Variants in NVL observed in about 807,000 individuals in gnomAD.
NVL encodes nuclear valosin-containing protein-like.
Under a neutral mutation model 110.2 loss-of-function variants are expected in NVL, and 84 were observed. The observed-to-expected ratio is 0.76, with a 90% CI of 0.64 to 0.91. The LOEUF (loss-of-function observed/expected upper bound fraction) is 0.91, where lower values mean the gene tolerates loss of function less well. NVL is among the 40% of genes least tolerant of loss of function. The pLI, the probability that NVL is intolerant of heterozygous loss-of-function variation, is 0.00. For synonymous variants in NVL, 354 were observed against 361.1 expected (o/e 0.98, Z 0.22); for missense variants, 882 against 1,035.9 (o/e 0.85, Z 2.04).
chr1:224,241,346 T>C (rs1422568950), intron 19 of NVL, among the ~76,000 whole-genome samples: 1 of 152,170 alleles, frequency 6.6e-6, no homozygotes, highest in Non-Finnish European at 1.5e-5. Context: ...AAACAAAATA[T>C]GAGGATTTTG....
At chr1:224,259,491 C>T (rs185912922) in intron 18 of NVL, among the ~76,000 whole-genome samples, 52 of 152,174 alleles carry the variant, frequency 3.4e-4, no homozygotes, top group Admixed American at 1.0e-3. Flanking sequence ...GTAAATTTTA[C>T]GATATGCCAC....
intron 13 of NVL, chr1:224,289,232 CCA>C (rs1172947112): frequency 4.8e-6 from 2 of 418,392 alleles, no homozygotes; most frequent in Admixed American, 8.3e-5. Context: ...GGTGGGTAGG[CCA>C]CAGTCTGCCA....
rs34156240 is a variant in NVL at position 224,281,284 on chromosome 1, CGTGTGTGT to C, written c.1900-107_1900-100del. On this transcript the variant is annotated intron_variant, in intron 15 of 22. Coordinates refer to ENST00000281701, the MANE Select transcript of NVL (RefSeq NM_002533.4). ...TGTGACAATGAAAGGACTCTGTGTG[CGTGTGTGT>C]GTGTGTGTGTGTGTGTGTGTGAGAT... 2,430 of 553,188 alleles carry C rather than the reference CGTGTGTGT, an allele frequency of 4.4e-3. 14 individuals are homozygous for C. Among genetic ancestry groups the C allele is most frequent in the South Asian group, 0.025 (1,174 of 47,544 alleles). 34.3% of individuals were successfully genotyped at this position (553,188 alleles called of 1,614,324 possible).
In NVL at chr1:224,256,423, T is replaced by TAAAAA. The variant is rs34959473; in HGVS notation, c.2183-6110_2183-6106dup. On this transcript the variant is annotated intron_variant, in intron 18 of 22. Transcript: ENST00000281701. ...CTGGGCAACAGGGTGAGGCTCCATC[T>TAAAAA]AAAAAAAAAAAAAAAAAAAAAAAAC... Among the ~76,000 whole-genome samples, 498 of 75,622 alleles carry TAAAAA rather than the reference T, an allele frequency of 6.6e-3. 12 individuals are homozygous for TAAAAA. Among genetic ancestry groups the TAAAAA allele is most frequent in the African/African-American group, 0.022 (448 of 20,384 alleles). The allele number at this position is 75,622 out of a possible 152,430, so 49.6% of individuals were successfully genotyped here.
In NVL at chr1:224,330,069, A is replaced by C. The variant is rs1671533700; in HGVS notation, c.57+2T>G. On this transcript the variant is annotated splice_donor_variant, in intron 1 of 22. Coordinates refer to ENST00000281701, the MANE Select transcript of NVL (RefSeq NM_002533.4). LOFTEE classifies it high-confidence loss of function. Reference sequence around the variant, plus strand: ...CGAGGCCAAGCGGTGCAGAATACACACCTGGATGACTCGCTGCTTGAGTTT... The same window carrying C: ...CGAGGCCAAGCGGTGCAGAATACACCCCTGGATGACTCGCTGCTTGAGTTT... 6.2e-7 allele frequency: 1 copy of C among 1,614,004 alleles called. No homozygotes were observed. Among genetic ancestry groups the C allele is most frequent in the Non-Finnish European group, 8.5e-7 (1 of 1,179,960 alleles).
intron 18 of NVL, among the ~76,000 whole-genome samples, chr1:224,266,115 A>T (rs1664476646): frequency 6.6e-6 from 1 of 152,198 alleles, no homozygotes; most frequent in South Asian, 2.1e-4. Flanking sequence ...ATCCTTACTA[A>T]TTTATGCTCC....
intron 15 of NVL, among the ~76,000 whole-genome samples, chr1:224,281,461 C>T (rs1431580612): frequency 1.3e-5 from 2 of 151,464 alleles, no homozygotes; most frequent in African/African-American, 2.4e-5. Context: ...CCACCACGCC[C>T]GGCTAATTTT....
chr1:224,259,092 C>T (rs1317288185), intron 18 of NVL, among the ~76,000 whole-genome samples: 1 of 144,698 alleles, frequency 6.9e-6, no homozygotes, highest in African/African-American at 2.6e-5. Flanking sequence ...GGGTGATGAA[C>T]ATTTTTTTTT....
chr1:224,231,413 T>C (rs1247458588), intron 21 of NVL, 117 bp from the exon 22 acceptor site: 1 of 720,830 alleles, frequency 1.4e-6, no homozygotes, highest in African/African-American at 1.8e-5. Context: ...AGATCAGTGA[T>C]GAGATGGGCT....
intron 5 of NVL, among the ~76,000 whole-genome samples, chr1:224,310,175 T>A (rs1463799096): frequency 1.8e-5 from 2 of 108,498 alleles, no homozygotes; most frequent in African/African-American, 3.7e-5. Flanking sequence ...TGAGACTCCC[T>A]CGCAAAAAAA....
intron 19 of NVL, among the ~76,000 whole-genome samples, chr1:224,246,681 C>A (rs181682221): frequency 9.9e-5 from 15 of 152,278 alleles, no homozygotes; most frequent in Non-Finnish European, 2.1e-4. Context: ...TTTGTATATA[C>A]ATACACATCC....
chr1:224,243,332 G>A (rs781107615), intron 19 of NVL, among the ~76,000 whole-genome samples: 4 of 151,368 alleles, frequency 2.6e-5, no homozygotes, highest in South Asian at 2.1e-4. Context: ...CTGGTGGCAC[G>A]TTCCTGTAGT....
intron 11 of NVL, among the ~76,000 whole-genome samples, chr1:224,295,337 C>T (rs1042213595): frequency 3.3e-5 from 5 of 152,030 alleles, no homozygotes; most frequent in Admixed American, 1.3e-4. Context: ...GGACTACAGG[C>T]GCCCGCCACC....
intron 2 of NVL, among the ~76,000 whole-genome samples, chr1:224,323,938 C>A (rs1477064436): frequency 6.6e-6 from 1 of 152,214 alleles, no homozygotes. Context: ...GAATGTCTAA[C>A]CTACACCTAT....
Position 224,330,166 on chromosome 1 carries a change from C to T in NVL, c.-39G>A, listed in dbSNP as rs368528078. Reference sequence around the variant, plus strand: ...CAAGCCACAGCTCGGACCGCCAGCTCCTAGTCAACCGGGGGCCTCGTAGGG... The same window carrying T: ...CAAGCCACAGCTCGGACCGCCAGCTTCTAGTCAACCGGGGGCCTCGTAGGG... On this transcript the variant is annotated 5_prime_UTR_variant, in exon 1 of 23. Transcript: ENST00000281701. 10 of 1,609,448 alleles carry T rather than the reference C, an allele frequency of 6.2e-6. No homozygotes were observed. The highest frequency in any genetic ancestry group is 1.1e-5 in the South Asian group (1 of 91,010).
intron 1 of NVL, among the ~76,000 whole-genome samples, chr1:224,329,072 G>A (rs989953755): frequency 3.9e-4 from 59 of 152,016 alleles, no homozygotes; most frequent in African/African-American, 1.4e-3. Context: ...TTAGCCAGGT[G>A]TGGTGGTGCA....
chr1:224,256,835 C>A (rs1663318334), intron 18 of NVL, among the ~76,000 whole-genome samples: 1 of 152,100 alleles, frequency 6.6e-6, no homozygotes, highest in Non-Finnish European at 1.5e-5. Flanking sequence ...CAGGCCCAGA[C>A]CTTGGAGCCA....
rs367676911 is a variant in NVL, at chr1:224,282,757, A to G, written c.1900-1572T>C. 2.2e-4 allele frequency among the ~76,000 whole-genome samples: 33 copies of G among 152,312 alleles called. 1 individual carries two copies. In the South Asian group the frequency reaches 2.7e-3, roughly 12 times the overall value. On this transcript the variant is annotated intron_variant, in intron 15 of 22. Coordinates refer to ENST00000281701, the MANE Select transcript of NVL (RefSeq NM_002533.4). ...TACCACTTCTAAAACTGGACTCCCA[A>G]TTCTTATTCTTCCAAACCTCTCCAA...
At chr1:224,269,958 C>T (rs1464742827) in intron 17 of NVL, 1 of 141,566 alleles carries the variant, frequency 7.1e-6, no homozygotes, top group Non-Finnish European at 1.5e-5. Context: ...TTTGTAGAGC[C>T]GGGATTTCAC....
Sources: allele counts gnomAD v4.1 joint callset (sites outside exome capture counted in the v4.1 genomes callset), GRCh38; gene constraint gnomAD v4.1.1; transcripts MANE v1.5; gene names NCBI Gene and HGNC (gene_info 2026-07-23, HGNC 2026-07-21).